Variants in ZFHX4 observed in about 807,000 individuals in gnomAD.
The protein encoded by ZFHX4 is zinc finger homeobox protein 4.
ZFHX4 carries 56 observed loss-of-function variants against 267.6 expected under a neutral mutation model. That is an observed-to-expected ratio of 0.21 (90% CI 0.17 to 0.26). ZFHX4 has a LOEUF of 0.26. Ranked by LOEUF, ZFHX4 falls within the 10% of genes least tolerant of loss-of-function variation. The probability of loss-of-function intolerance (pLI) is 1.00; values close to 1 mark genes in which losing one functional copy is unlikely to be tolerated. For missense variants in ZFHX4, 4,332 were observed against 4,420.0 expected, an observed-to-expected ratio of 0.98 and a Z score of 0.56; for synonymous variants, 1,778 against 1,665.6, an observed-to-expected ratio of 1.07 and a Z score of -1.64.
In ZFHX4 at chr8:76,856,085, T is replaced by C. The variant is rs1293169410; in HGVS notation, c.9164T>C (p.Val3055Ala). Reference sequence around the variant, plus strand: ...AAAGATTACTTGGCTCCGACCACGGTTCGGCAGCTGATGGCACAGCAAGAA... The same window carrying C: ...AAAGATTACTTGGCTCCGACCACGGCTCGGCAGCTGATGGCACAGCAAGAA... ...REKDYLAPTT[V>A]RQLMAQQELD... The change falls in exon 10 of 11, where the codon GTT becomes GCT. Residue 3055 changes from valine to alanine, a missense_variant. Transcript: ENST00000651372. The C allele has an allele frequency of 2.5e-6, 4 of 1,613,832 alleles. No homozygotes were observed. The African/African-American group carries it at 4.0e-5, about 16-fold the overall frequency.
intron 4 of ZFHX4, 87 bp from the exon 5 acceptor site, chr8:76,833,251 C>T (rs1381789696): frequency 9.1e-7 from 1 of 1,100,992 alleles, no homozygotes; most frequent in East Asian, 2.5e-5. Flanking sequence ...CTCCTGACTG[C>T]CAAATTTTGG....
chr8:76,774,278 T>C (rs1810347388), intron 3 of ZFHX4, among the ~76,000 whole-genome samples: 1 of 152,168 alleles, frequency 6.6e-6, no homozygotes. Context: ...ATTGAAGTGA[T>C]ATCATATGCT....
intron 3 of ZFHX4, among the ~76,000 whole-genome samples, chr8:76,732,741 G>A (rs1004758621): frequency 4.6e-5 from 7 of 152,158 alleles, no homozygotes; most frequent in African/African-American, 1.7e-4. Flanking sequence ...TTAAAAACTG[G>A]TTTTCCCTCA....
In ZFHX4 at chr8:76,785,090, T is replaced by C. The variant is rs1810652045; in HGVS notation, c.3325+6651T>C. On this transcript the variant is annotated intron_variant, in intron 4 of 10. Coordinates refer to ENST00000651372, the MANE Select transcript of ZFHX4 (RefSeq NM_024721.5). ...GCTATGTTAGTCTAGACTAAAAGAG[T>C]TTTTAATCATCAGGGCAAAAATATA... Among the ~76,000 whole-genome samples, 2 of 151,554 alleles carry C rather than the reference T, an allele frequency of 1.3e-5. 1 individual carries two copies. The highest frequency in any genetic ancestry group is 4.1e-4 in the South Asian group (2 of 4,822).
At chr8:76,713,926 C>T (rs1026890762) in intron 3 of ZFHX4, among the ~76,000 whole-genome samples, 2 of 151,994 alleles carry the variant, frequency 1.3e-5, no homozygotes, top group East Asian at 1.9e-4. Flanking sequence ...ACCACCGCCA[C>T]GTACCACCAC....
chr8:76,864,539 A>G lies in ZFHX4; in HGVS notation c.10825A>G (p.Ile3609Val), dbSNP rs1481327747. ...TGGCCTAGATGGTAATTTCAATAGC[A>G]TCCGAATGGATATGTTCAGTGTGTA... is the stretch of plus-strand genomic sequence containing the variant. ...ASGLDGNFNS[I>V]RMDMFSV The change falls in exon 11 of 11, where the codon ATC becomes GTC. Residue 3609 changes from isoleucine (I) to valine (V), a missense_variant. Coordinates refer to ENST00000651372, the MANE Select transcript of ZFHX4 (RefSeq NM_024721.5). The G allele has an allele frequency of 6.2e-7, 1 of 1,610,192 alleles. No individual in the cohort carries two copies. The highest frequency in any genetic ancestry group is 8.5e-7 in the Non-Finnish European group (1 of 1,178,094).
In ZFHX4 at chr8:76,863,633, C is replaced by CT; in HGVS notation, c.9920dup (p.Ala3308GlyfsTer48). 1 of 1,612,928 alleles carries CT rather than the reference C, an allele frequency of 6.2e-7. No homozygotes were observed. The highest frequency in any genetic ancestry group is 1.3e-5 in the African/African-American group (1 of 75,046). Reference sequence around the variant, plus strand: ...TTATGGCCCTACAATGCCCCAGACACTGGCAGGTCTGTCCCCAGGTGCACT... The same window carrying CT: ...TTATGGCCCTACAATGCCCCAGACACTTGGCAGGTCTGTCCCCAGGTGCACT... On this transcript the variant is annotated frameshift_variant, in exon 11 of 11. Coordinates refer to ENST00000651372, the MANE Select transcript of ZFHX4 (RefSeq NM_024721.5). LOFTEE classifies it high-confidence loss of function.
rs531670858 is a variant in ZFHX4, at chr8:76,859,934, A to C, written c.9380-3160A>C. Among the ~76,000 whole-genome samples the C allele has an allele frequency of 2.0e-5, 3 of 152,236 alleles. No individual in the cohort carries two copies. The East Asian group carries it at 5.8e-4, about 29-fold the overall frequency. ...TATTTCAGAGAAAGAAAACCCAACA[A>C]AATGATGGTAGTATGAGATTATTTA... is the stretch of plus-strand genomic sequence containing the variant. On this transcript the variant is annotated intron_variant, in intron 10 of 10. Transcript: ENST00000651372.
intron 4 of ZFHX4, among the ~76,000 whole-genome samples, chr8:76,798,950 A>C (rs928213274): frequency 3.9e-5 from 6 of 152,166 alleles, no homozygotes; most frequent in Non-Finnish European, 7.4e-5. Flanking sequence ...CCTGCAGAGG[A>C]TATTTTGTTT....
Position 76,852,415 on chromosome 8 carries a change from A to G in ZFHX4, c.5494A>G (p.Lys1832Glu). The G allele has an allele frequency of 6.4e-7, 1 of 1,556,680 alleles. No homozygotes were observed. Among genetic ancestry groups the G allele is most frequent in the South Asian group, 1.2e-5 (1 of 84,464 alleles). ...GCAGCAGCAGCAACAGCAGGCAAGC[A>G]AATTATTGAAACAAGAGCAAAGTAA... ...PQQQQQQQAS[K>E]LLKQEQSNIV... The change falls in exon 10 of 11, where the codon AAA (lysine) becomes GAA (glutamate). Residue 1832 changes from lysine to glutamate, a missense_variant. Physicochemically the swap from Lys to Glu is moderately conservative, Grantham distance 56 (BLOSUM62 1). Around this residue, in one of 7 missense-constraint regions of ZFHX4, gnomAD observed 1,371 missense variants for 1,423.1 expected, o/e 0.96. Transcript: ENST00000651372.
intron 5 of ZFHX4, among the ~76,000 whole-genome samples, chr8:76,834,785 A>T (rs1429634537): frequency 1.3e-5 from 2 of 152,028 alleles, no homozygotes; most frequent in Non-Finnish European, 2.9e-5. Context: ...TTCATAGATT[A>T]TGCCTTTAGT....
intron 3 of ZFHX4, among the ~76,000 whole-genome samples, chr8:76,710,419 T>G (rs1178427394): frequency 1.3e-5 from 2 of 152,214 alleles, no homozygotes; most frequent in Non-Finnish European, 2.9e-5. Flanking sequence ...TTGGCTTGTG[T>G]TGGCAAAATA....
At chr8:76,780,376 G>C (rs1385998035) in intron 4 of ZFHX4, among the ~76,000 whole-genome samples, 1 of 152,098 alleles carries the variant, frequency 6.6e-6, no homozygotes, top group Non-Finnish European at 1.5e-5. Context: ...AGTGGTTGTA[G>C]AAAACTAAGG....
intron 3 of ZFHX4, among the ~76,000 whole-genome samples, chr8:76,708,555 T>C (rs987253283): frequency 4.6e-5 from 7 of 152,240 alleles, no homozygotes; most frequent in African/African-American, 1.7e-4. Flanking sequence ...CACTCTCCCT[T>C]AGCATCCTTG....
chr8:76,745,036 T>C (rs1271352822), intron 3 of ZFHX4, among the ~76,000 whole-genome samples: 1 of 152,174 alleles, frequency 6.6e-6, no homozygotes, highest in African/African-American at 2.4e-5. Context: ...CATGATGACA[T>C]AGCATTCAGC....
intron 3 of ZFHX4, among the ~76,000 whole-genome samples, chr8:76,742,658 A>G (rs1197256111): frequency 1.3e-5 from 2 of 152,230 alleles, no homozygotes; most frequent in Admixed American, 6.5e-5. Flanking sequence ...TGTTAATCAC[A>G]GAATCAAAAT....
At chr8:76,815,323 C>T (rs181383311) in intron 4 of ZFHX4, among the ~76,000 whole-genome samples, 26 of 152,186 alleles carry the variant, frequency 1.7e-4, no homozygotes, top group Non-Finnish European at 3.2e-4. Flanking sequence ...CCATACAATG[C>T]GTAGCTTATA....
At chr8:76,838,650 A>G (rs1423636323) in intron 5 of ZFHX4, among the ~76,000 whole-genome samples, 1 of 152,188 alleles carries the variant, frequency 6.6e-6, no homozygotes, top group African/African-American at 2.4e-5. Flanking sequence ...AAAGATGTCT[A>G]AGTTACTGTG....
At chr8:76,812,113 G>A (rs1483512190) in intron 4 of ZFHX4, among the ~76,000 whole-genome samples, 1 of 152,134 alleles carries the variant, frequency 6.6e-6, no homozygotes, top group African/African-American at 2.4e-5. Context: ...GTTTACAATT[G>A]CATTAAGTAA....
Sources: gnomAD v4.1 joint callset for allele counts (sites outside exome capture counted in the v4.1 genomes callset) on GRCh38, gnomAD v4.1.1 for gene constraint, gnomAD v4.1.1 regional missense constraint, MANE v1.5 for transcripts, NCBI Gene and HGNC (gene_info 2026-07-23, HGNC 2026-07-21) for gene names.